MID1: variants seen among roughly 807,000 people sequenced by gnomAD.
MID1 encodes the protein E3 ubiquitin-protein ligase Midline-1.
A neutral mutation model predicts 40.4 loss-of-function variants in MID1; 7 were observed. The ratio of observed to expected loss-of-function variants is 0.17; its 90% confidence interval spans 0.10 to 0.33. The LOEUF (loss-of-function observed/expected upper bound fraction) is 0.33, where lower values mean the gene tolerates loss of function less well. Among genes scored for constraint, MID1 ranks in the 10% least tolerant of loss-of-function variants. The pLI, the probability that MID1 is intolerant of heterozygous loss-of-function variation, is 1.00. For missense variants in MID1, 367 were observed against 558.5 expected, an observed-to-expected ratio of 0.66 and a Z score of 3.46; for synonymous variants, 229 against 221.2, an observed-to-expected ratio of 1.04 and a Z score of -0.31.
In MID1 at chrX:10,546,644, T is replaced by A. The variant is rs747267243; in HGVS notation, c.660+20244A>T. Among the ~76,000 whole-genome samples the A allele has an allele frequency of 2.7e-5, 3 of 111,666 alleles. No individual in the cohort carries two copies. In the South Asian group the frequency reaches 1.1e-3, roughly 42 times the overall value. ...ACTCCCTGTCAGAAGAAACCCTTGG[T>A]ATTAACTCATATCACTCATCTTCTA... On this transcript the variant is annotated intron_variant, in intron 2 of 9. Transcript: ENST00000317552.
intron 2 of MID1, among the ~76,000 whole-genome samples, chrX:10,566,008 C>A (rs746728645): frequency 1.4e-4 from 16 of 110,346 alleles, no homozygotes; most frequent in African/African-American, 4.6e-4. Context: ...TGGGGTTCCA[C>A]CATGTTGGCC....
chrX:10,749,346 G>A (rs2043582754), intron 1 of MID1, among the ~76,000 whole-genome samples: 1 of 111,146 alleles, frequency 9.0e-6, no homozygotes, highest in African/African-American at 3.3e-5. Flanking sequence ...GCATCTCCTG[G>A]GAGCTTGGTA....
intron 1 of MID1, among the ~76,000 whole-genome samples, chrX:10,629,389 C>T (rs752427428): frequency 9.1e-6 from 1 of 109,315 alleles, no homozygotes; most frequent in African/African-American, 3.3e-5. Context: ...TTAGTAGAAA[C>T]AGGGTCTCGC....
At chrX:10,638,111 C>G (rs1936141441) in intron 1 of MID1, among the ~76,000 whole-genome samples, 1 of 111,806 alleles carries the variant, frequency 8.9e-6, no homozygotes, top group South Asian at 3.8e-4. Flanking sequence ...AGGAACAGCT[C>G]CAGTCTGCAG....
intron 1 of MID1, among the ~76,000 whole-genome samples, chrX:10,708,026 C>T (rs2043242817): frequency 8.9e-6 from 1 of 112,429 alleles, no homozygotes; most frequent in African/African-American, 3.2e-5. Flanking sequence ...TTGGTAGAGC[C>T]ATGTGAATGA....
At chrX:10,460,393 G>GT (rs1928955475) in intron 7 of MID1, among the ~76,000 whole-genome samples, 1 of 111,498 alleles carries the variant, frequency 9.0e-6, no homozygotes, top group Non-Finnish European at 1.9e-5. Context: ...TCAGAGTGGA[G>GT]TGGGGCTGTT....
At chrX:10,803,005 T>C (rs946822403) in intron 1 of MID1, among the ~76,000 whole-genome samples, 1 of 110,621 alleles carries the variant, frequency 9.0e-6, no homozygotes, top group African/African-American at 3.3e-5. Context: ...ATGGGAACAA[T>C]AGACACCGGG....
At chrX:10,614,581 A>C (rs1935809317) in intron 1 of MID1, among the ~76,000 whole-genome samples, 1 of 111,946 alleles carries the variant, frequency 8.9e-6, no homozygotes, top group Non-Finnish European at 1.9e-5. Flanking sequence ...CTTTCCTGCC[A>C]TGTGGTAGAG....
At chrX:10,777,211 A>AT (rs1197519259) in intron 1 of MID1, among the ~76,000 whole-genome samples, 1 of 110,383 alleles carries the variant, frequency 9.1e-6, no homozygotes, top group Non-Finnish European at 1.9e-5. Context: ...TTATTTATTT[A>AT]TTTTTTTTGA....
chrX:10,504,208 C>T (rs780548934), intron 3 of MID1, among the ~76,000 whole-genome samples: 31 of 111,169 alleles, frequency 2.8e-4, no homozygotes, highest in Middle Eastern at 9.3e-3. Flanking sequence ...CAACTATCTA[C>T]ATCTCAAGTT....
At chrX:10,829,839 G>A (rs999914504) in intron 1 of MID1, among the ~76,000 whole-genome samples, 2 of 111,752 alleles carry the variant, frequency 1.8e-5, no homozygotes, top group Admixed American at 9.5e-5. Context: ...AGTAATGGCA[G>A]CTGCTCTTGC....
At chrX:10,460,414 C>T (rs1928956276) in intron 7 of MID1, among the ~76,000 whole-genome samples, 1 of 111,372 alleles carries the variant, frequency 9.0e-6, no homozygotes, top group Admixed American at 9.5e-5. Context: ...GCTCTGGCTG[C>T]ATCCTGCAGG....
chrX:10,485,230 C>T (rs1402492565), intron 4 of MID1, among the ~76,000 whole-genome samples: 1 of 112,105 alleles, frequency 8.9e-6, no homozygotes, highest in Non-Finnish European at 1.9e-5. Flanking sequence ...AGTCGGCTAA[C>T]CCCTGGCTTA....
intron 1 of MID1, among the ~76,000 whole-genome samples, chrX:10,818,029 T>G (rs1246740913): frequency 2.7e-5 from 3 of 112,360 alleles, no homozygotes; most frequent in African/African-American, 6.5e-5. Context: ...TTTTGTATAT[T>G]TATAAGAATA....
intron 4 of MID1, 82 bp downstream of exon 4, chrX:10,495,502 A>G: frequency 1.3e-6 from 1 of 765,017 alleles, no homozygotes; most frequent in South Asian, 2.1e-5. Flanking sequence ...AGGGTTCTCA[A>G]CATTTCCAAA....
chrX:10,575,250 G>A (rs754521120), intron 1 of MID1, among the ~76,000 whole-genome samples: 33 of 111,889 alleles, frequency 2.9e-4, no homozygotes, highest in African/African-American at 1.0e-3. Flanking sequence ...AACTATAGGT[G>A]AAATATTTTT....
chrX:10,702,133 A>G (rs1390623287), intron 1 of MID1, among the ~76,000 whole-genome samples: 2 of 112,881 alleles, frequency 1.8e-5, no homozygotes, highest in East Asian at 5.5e-4. Context: ...ACTGCACAGA[A>G]CTGTACCAAC....
At chrX:10,528,173 G>A (rs1306886757) in intron 2 of MID1, among the ~76,000 whole-genome samples, 1 of 110,315 alleles carries the variant, frequency 9.1e-6, no homozygotes, top group Non-Finnish European at 1.9e-5. Context: ...AACCTAATGT[G>A]AGCCACAAAT....
chrX:10,756,531 T>C (rs947960999), intron 1 of MID1, among the ~76,000 whole-genome samples: 1 of 110,809 alleles, frequency 9.0e-6, no homozygotes, highest in Non-Finnish European at 1.9e-5. Context: ...GAGTCTCCAG[T>C]CCAACTCCCT....
Sources: gnomAD v4.1 joint callset for allele counts (sites outside exome capture counted in the v4.1 genomes callset) on GRCh38, gnomAD v4.1.1 for gene constraint, MANE v1.5 for transcripts, NCBI Gene and HGNC (gene_info 2026-07-23, HGNC 2026-07-21) for gene names.